Variants in FBLN2 observed in about 807,000 individuals in gnomAD.
FBLN2 encodes the protein fibulin-2.
In FBLN2, 81 loss-of-function variants were observed where a neutral mutation model predicts 123.7. That is an observed-to-expected ratio of 0.65 (90% CI 0.55 to 0.79). The LOEUF (loss-of-function observed/expected upper bound fraction) is 0.79, where lower values mean the gene tolerates loss of function less well. FBLN2 is among the 30% of genes least tolerant of loss of function. The probability of loss-of-function intolerance (pLI) is 0.00; values close to 1 mark genes in which losing one functional copy is unlikely to be tolerated. For missense variants in FBLN2, 1,603 were observed against 1,681.3 expected, an observed-to-expected ratio of 0.95 and a Z score of 0.81; for synonymous variants, 699 against 701.4, an observed-to-expected ratio of 1.00 and a Z score of 0.05.
chr3:13,593,732 A>AAAAG (rs1704751279), intron 2 of FBLN2, among the ~76,000 whole-genome samples: 1 of 149,554 alleles, frequency 6.7e-6, no homozygotes, highest in Admixed American at 6.6e-5. Flanking sequence ...AAAAAAAAAA[A>AAAAG]GTGGAAGATA....
At chr3:13,593,380 C>A (rs1327445825) in intron 2 of FBLN2, among the ~76,000 whole-genome samples, 2 of 152,146 alleles carry the variant, frequency 1.3e-5, no homozygotes, top group Non-Finnish European at 2.9e-5. Flanking sequence ...ACAGGCAGAG[C>A]TGCATTCCAA....
chr3:13,569,497 G>T (rs1296869994), intron 1 of FBLN2, among the ~76,000 whole-genome samples: 1 of 151,904 alleles, frequency 6.6e-6, no homozygotes, highest in East Asian at 1.9e-4. Flanking sequence ...GGAAGGAAGG[G>T]GTAGAGACCG....
At position 13,636,369 on chromosome 3, in the gene FBLN2, T is replaced by C. The variant is rs1432151828; in HGVS notation, c.3215-76T>C. On this transcript the variant is annotated intron_variant, in intron 16 of 17. Transcript: ENST00000404922. ...GTCCGGCTGCCGTGGGGCCCAGGCCTTTCATGCAGGCTGGGGAGTTTCAGG... is the reference window on the plus strand; with the variant it reads ...GTCCGGCTGCCGTGGGGCCCAGGCCCTTCATGCAGGCTGGGGAGTTTCAGG... 6 of 1,570,494 alleles carry C rather than the reference T, an allele frequency of 3.8e-6. No homozygotes were observed. In the Admixed American group the frequency reaches 9.1e-5, roughly 24 times the overall value.
intron 1 of FBLN2, among the ~76,000 whole-genome samples, chr3:13,559,612 C>T (rs917546461): frequency 2.6e-5 from 4 of 152,168 alleles, no homozygotes; most frequent in African/African-American, 4.8e-5. Context: ...GGCCACAGAA[C>T]GAAATCTAGG....
chr3:13,568,504 C>T (rs546763590), intron 1 of FBLN2, among the ~76,000 whole-genome samples: 1 of 152,202 alleles, frequency 6.6e-6, no homozygotes, highest in African/African-American at 2.4e-5. Flanking sequence ...CGCTTACAGG[C>T]ACGCCCAGAG....
At chr3:13,633,206 C>G (rs570540283) in intron 16 of FBLN2, among the ~76,000 whole-genome samples, 1 of 152,272 alleles carries the variant, frequency 6.6e-6, no homozygotes, top group African/African-American at 2.4e-5. Context: ...GGCATATGCC[C>G]ATCGTGGGTG....
chr3:13,574,383 C>T (rs1243998915), intron 2 of FBLN2, among the ~76,000 whole-genome samples: 1 of 152,218 alleles, frequency 6.6e-6, no homozygotes, highest in Non-Finnish European at 1.5e-5. Flanking sequence ...TCCGTGTGGC[C>T]CTCCATTGTG....
At chr3:13,580,966 G>C (rs1424901023) in intron 2 of FBLN2, among the ~76,000 whole-genome samples, 3 of 152,220 alleles carry the variant, frequency 2.0e-5, no homozygotes, top group Non-Finnish European at 4.4e-5. Context: ...GATGGCCTCA[G>C]CCAGGATGGC....
At chr3:13,586,551 GC>G (rs1477071748) in intron 2 of FBLN2, among the ~76,000 whole-genome samples, 1 of 149,570 alleles carries the variant, frequency 6.7e-6, no homozygotes, top group Admixed American at 6.7e-5. Flanking sequence ...AGGCTGGAGT[GC>G]AGTGGCGTGA....
At chr3:13,623,509 G>A (rs1337787751) in intron 9 of FBLN2, among the ~76,000 whole-genome samples, 3 of 152,108 alleles carry the variant, frequency 2.0e-5, no homozygotes, top group Admixed American at 6.5e-5. Flanking sequence ...CCTCGCACAC[G>A]TGTTCATCCC....
At chr3:13,574,445 C>T (rs936121230) in intron 2 of FBLN2, among the ~76,000 whole-genome samples, 3 of 152,344 alleles carry the variant, frequency 2.0e-5, no homozygotes, top group South Asian at 2.1e-4. Context: ...TGACAACAGA[C>T]GTCAGACCCC....
At chr3:13,586,475 G>A (rs1460761886) in intron 2 of FBLN2, among the ~76,000 whole-genome samples, 2 of 147,866 alleles carry the variant, frequency 1.4e-5, no homozygotes, top group South Asian at 2.1e-4. Flanking sequence ...GAGCCACCAC[G>A]CCTGGCGTAT....
At chr3:13,612,187 G>C (rs1705411663) in intron 4 of FBLN2, among the ~76,000 whole-genome samples, 1 of 151,774 alleles carries the variant, frequency 6.6e-6, no homozygotes, top group Non-Finnish European at 1.5e-5. Context: ...CTGTTGACAG[G>C]GTCTAGAAAC....
chr3:13,583,534 C>G (rs1704404026), intron 2 of FBLN2, among the ~76,000 whole-genome samples: 1 of 152,232 alleles, frequency 6.6e-6, no homozygotes, highest in African/African-American at 2.4e-5. Flanking sequence ...TCAGGACTGT[C>G]TGGATGGCTG....
intron 2 of FBLN2, among the ~76,000 whole-genome samples, chr3:13,584,371 G>A (rs1395377044): frequency 6.6e-6 from 1 of 152,208 alleles, no homozygotes; most frequent in Non-Finnish European, 1.5e-5. Context: ...CAGAGGATGG[G>A]GGCCCAGGAG....
At chr3:13,561,286 A>G (rs564084161) in intron 1 of FBLN2, among the ~76,000 whole-genome samples, 44 of 152,318 alleles carry the variant, frequency 2.9e-4, no homozygotes, top group African/African-American at 1.0e-3. Flanking sequence ...GCTGTGACCT[A>G]GTGGTGGCCC....
intron 1 of FBLN2, among the ~76,000 whole-genome samples, chr3:13,552,461 C>T (rs1246053978): frequency 6.6e-6 from 1 of 152,106 alleles, no homozygotes; most frequent in Non-Finnish European, 1.5e-5. Flanking sequence ...CCTCTGTCAT[C>T]CAGTTTCCTT....
chr3:13,571,210 G>A lies in FBLN2; in HGVS notation c.855G>A (p.Glu285=). The change falls in exon 2 of 18, where the codon GAG becomes GAA. Residue 285 remains glutamate (E), a synonymous_variant. Transcript: ENST00000404922. The part of the protein sequence containing the change: ...EDSEEEEEEE[E]EREEMAVTEQ... Reference sequence around the variant, plus strand: ...GTGAGGAGGAAGAAGAGGAGGAGGAGGAGAGAGAGGAAATGGCTGTCACTG... The same window carrying A: ...GTGAGGAGGAAGAAGAGGAGGAGGAAGAGAGAGAGGAAATGGCTGTCACTG... 1.3e-6 allele frequency: 2 copies of A among 1,570,040 alleles called. No homozygotes were observed. The highest frequency in any genetic ancestry group is 1.7e-4 in the Middle Eastern group (1 of 6,014).
At chr3:13,617,635 C>G (rs1705673160) in intron 5 of FBLN2, among the ~76,000 whole-genome samples, 1 of 140,116 alleles carries the variant, frequency 7.1e-6, no homozygotes, top group African/African-American at 2.7e-5. Flanking sequence ...ATCCACCCAC[C>G]CATTCATTCA....
Sources: gnomAD v4.1 joint callset for allele counts (sites outside exome capture counted in the v4.1 genomes callset) on GRCh38, gnomAD v4.1.1 for gene constraint, MANE v1.5 for transcripts, NCBI Gene and HGNC (gene_info 2026-07-23, HGNC 2026-07-21) for gene names.